The following GRID1 variants were observed in gnomAD, a reference collection of about 807,000 sequenced individuals.
GRID1 encodes the protein glutamate ionotropic receptor delta type subunit 1.
Under a neutral mutation model 98.0 loss-of-function variants are expected in GRID1, and 28 were observed. The ratio of observed to expected loss-of-function variants is 0.29; its 90% CI spans 0.21 to 0.39. The LOEUF is 0.39. Among genes scored for constraint, GRID1 ranks in the 10% least tolerant of loss-of-function variants. GRID1 has a pLI of 1.00. For synonymous variants in GRID1, 553 were observed against 538.5 expected (o/e 1.03, Z -0.37); for missense variants, 1,111 against 1,340.5 (o/e 0.83, Z 2.67).
At position 85,728,051 on chromosome 10, in the gene GRID1, T is replaced by A; in HGVS notation, c.1337A>T (p.Glu446Val). The A allele has an allele frequency of 2.5e-6, 4 of 1,606,266 alleles. No individual in the cohort carries two copies. The highest frequency in any genetic ancestry group is 3.4e-6 in the Non-Finnish European group (4 of 1,172,916). Residue 446 changes from glutamate (E) to valine (V), a missense_variant and splice_region_variant, in exon 10 of 16, where the codon GAA becomes GTA. Glu to Val is a moderately radical substitution (Grantham distance 121). Transcript: ENST00000327946. ...GLTLKVVTVLEEPFVMVAENI... is the reference protein window; with the variant it reads ...GLTLKVVTVLVEPFVMVAENI... ...CTCAGCCACCATCACGAAAGGCTCT[T>A]CCTGAGGACAACAGAATGAAGGTTC... is the stretch of plus-strand genomic sequence containing the variant.
At chr10:85,693,567 G>T (rs1240894844) in intron 12 of GRID1, among the ~76,000 whole-genome samples, 1 of 152,008 alleles carries the variant, frequency 6.6e-6, no homozygotes, top group African/African-American at 2.4e-5. Context: ...AAACAGCAGG[G>T]TACTGGTATA....
At chr10:85,991,748 AG>A (rs1399798188) in intron 4 of GRID1, among the ~76,000 whole-genome samples, 1 of 152,228 alleles carries the variant, frequency 6.6e-6, no homozygotes, top group African/African-American at 2.4e-5. Context: ...AGGTCATTTC[AG>A]GAGAAGGAGG....
At chr10:85,981,457 T>G (rs1052108882) in intron 4 of GRID1, among the ~76,000 whole-genome samples, 2 of 152,316 alleles carry the variant, frequency 1.3e-5, no homozygotes, top group African/African-American at 4.8e-5. Context: ...CAATGCCTAC[T>G]TGGCTTTTGA....
chr10:85,914,499 C>T (rs938221869), intron 5 of GRID1, among the ~76,000 whole-genome samples: 4 of 152,054 alleles, frequency 2.6e-5, no homozygotes, highest in South Asian at 2.1e-4. Context: ...AAACAGGAGG[C>T]GGCAGTCATG....
At chr10:85,878,715 A>C (rs1334404723) in intron 5 of GRID1, among the ~76,000 whole-genome samples, 1 of 152,138 alleles carries the variant, frequency 6.6e-6, no homozygotes, top group Admixed American at 6.5e-5. Flanking sequence ...GCATCAACTA[A>C]CGAGCAAAAT....
chr10:86,284,181 C>A (rs561751654), intron 2 of GRID1, among the ~76,000 whole-genome samples: 1 of 150,462 alleles, frequency 6.6e-6, no homozygotes, highest in South Asian at 2.1e-4. Flanking sequence ...CATACCTACA[C>A]ATACACACCT....
chr10:86,336,429 T>G (rs899347844), intron 2 of GRID1, among the ~76,000 whole-genome samples: 1 of 152,170 alleles, frequency 6.6e-6, no homozygotes, highest in African/African-American at 2.4e-5. Flanking sequence ...CAGTGCTCCT[T>G]GCAGCAGTGG....
At chr10:85,822,462 G>A (rs1330632147) in intron 8 of GRID1, among the ~76,000 whole-genome samples, 5 of 152,104 alleles carry the variant, frequency 3.3e-5, no homozygotes, top group Non-Finnish European at 7.4e-5. Context: ...GGCCATCAGA[G>A]AAATGCAAAT....
At chr10:86,227,753 C>A (rs1846376586) in intron 2 of GRID1, among the ~76,000 whole-genome samples, 1 of 152,132 alleles carries the variant, frequency 6.6e-6, no homozygotes, top group Non-Finnish European at 1.5e-5. Flanking sequence ...CCAAGGTGAG[C>A]TCCTGTGGTG....
chr10:86,313,187 C>G (rs1156681520), intron 2 of GRID1, among the ~76,000 whole-genome samples: 1 of 152,226 alleles, frequency 6.6e-6, no homozygotes, highest in Non-Finnish European at 1.5e-5. Context: ...GAAGCTGGAA[C>G]TTGGCAAGCT....
chr10:86,332,711 A>G (rs1848164498), intron 2 of GRID1, among the ~76,000 whole-genome samples: 1 of 151,832 alleles, frequency 6.6e-6, no homozygotes, highest in South Asian at 2.1e-4. Flanking sequence ...CTGAGGCTTC[A>G]CCCAGGTCCC....
At chr10:85,779,661 G>C (rs1356039436) in intron 8 of GRID1, among the ~76,000 whole-genome samples, 2 of 152,076 alleles carry the variant, frequency 1.3e-5, no homozygotes, top group Non-Finnish European at 2.9e-5. Flanking sequence ...TCTACAAGCA[G>C]AAATGTGACG....
chr10:85,804,567 A>G (rs1206480749), intron 8 of GRID1, among the ~76,000 whole-genome samples: 1 of 151,872 alleles, frequency 6.6e-6, no homozygotes, highest in East Asian at 1.9e-4. Context: ...AAAAAATCAT[A>G]GATTAATACC....
chr10:86,032,288 G>C (rs1843197223), intron 4 of GRID1, among the ~76,000 whole-genome samples: 1 of 152,154 alleles, frequency 6.6e-6, no homozygotes, highest in South Asian at 2.1e-4. Flanking sequence ...GGGAGGTGGG[G>C]GGCCCCTCTG....
intron 4 of GRID1, among the ~76,000 whole-genome samples, chr10:85,963,288 T>C (rs1842293931): frequency 6.6e-6 from 1 of 152,136 alleles, no homozygotes; most frequent in Admixed American, 6.5e-5. Context: ...GAATTATCTC[T>C]TCACTCCAAC....
chr10:86,010,811 C>A (rs1842915470), intron 4 of GRID1, among the ~76,000 whole-genome samples: 1 of 116,206 alleles, frequency 8.6e-6, no homozygotes, highest in Non-Finnish European at 1.9e-5. Flanking sequence ...GAGACTATGT[C>A]TCCAAAAAAA....
At chr10:85,731,928 A>C (rs1841830174) in intron 8 of GRID1, among the ~76,000 whole-genome samples, 1 of 121,690 alleles carries the variant, frequency 8.2e-6, no homozygotes, top group African/African-American at 3.8e-5. Context: ...AAAGAAAGAG[A>C]GAGAGAGAAG....
At chr10:86,111,159 T>C (rs1266673402) in intron 4 of GRID1, among the ~76,000 whole-genome samples, 14 of 152,226 alleles carry the variant, frequency 9.2e-5, no homozygotes, top group Non-Finnish European at 1.0e-4. Context: ...ATGAAGGTGA[T>C]AGAAACTCAA....
intron 12 of GRID1, among the ~76,000 whole-genome samples, chr10:85,703,556 G>A (rs1409256895): frequency 7.2e-5 from 11 of 152,020 alleles, no homozygotes; most frequent in African/African-American, 2.7e-4. Flanking sequence ...AGGTATTTTA[G>A]TATTACCTTA....
Sources: allele counts gnomAD v4.1 joint callset (sites outside exome capture counted in the v4.1 genomes callset), GRCh38; gene constraint gnomAD v4.1.1; transcripts MANE v1.5; gene names NCBI Gene and HGNC (gene_info 2026-07-23, HGNC 2026-07-21).